The following MACROD2 variants were observed in gnomAD, a reference collection of about 807,000 sequenced individuals.
MACROD2 encodes mono-ADP ribosylhydrolase 2, also known as ADP-ribose glycohydrolase MACROD2.
A neutral mutation model predicts 70.4 loss-of-function variants in MACROD2; 36 were observed. The observed-to-expected ratio is 0.51, with a 90% CI of 0.39 to 0.68. The LOEUF is 0.68. Ranked by LOEUF, MACROD2 falls within the 30% of genes least tolerant of loss-of-function variation. MACROD2 has a pLI of 0.00. For synonymous variants in MACROD2, 172 were observed against 178.8 expected, an observed-to-expected ratio of 0.96 and a Z score of 0.30; for missense variants, 496 against 538.4, an observed-to-expected ratio of 0.92 and a Z score of 0.78.
At chr20:14,365,997 C>G (rs888267605) in intron 3 of MACROD2, among the ~76,000 whole-genome samples, 7 of 152,096 alleles carry the variant, frequency 4.6e-5, no homozygotes, top group African/African-American at 1.7e-4. Context: ...TAAAATTTAT[C>G]ATGACTTGTT....
At chr20:15,226,091 C>A (rs559220091) in intron 5 of MACROD2, among the ~76,000 whole-genome samples, 1 of 152,002 alleles carries the variant, frequency 6.6e-6, no homozygotes, top group African/African-American at 2.4e-5. Flanking sequence ...TCCTGATAGA[C>A]GTGTACAGAA....
chr20:14,939,920 A>G (rs996751757), intron 5 of MACROD2, among the ~76,000 whole-genome samples: 1 of 151,902 alleles, frequency 6.6e-6, no homozygotes, highest in African/African-American at 2.4e-5. Context: ...GCTGGTATAT[A>G]TAAATGCTGA....
chr20:15,476,815 T>A (rs549437964), intron 7 of MACROD2, among the ~76,000 whole-genome samples: 1 of 152,304 alleles, frequency 6.6e-6, no homozygotes, highest in South Asian at 2.1e-4. Context: ...GGGTCATATG[T>A]CTCTACTTGG....
chr20:14,771,644 T>TACAC (rs745602537), intron 5 of MACROD2, among the ~76,000 whole-genome samples: 360 of 141,726 alleles, frequency 2.5e-3, no homozygotes, highest in African/African-American at 6.7e-3. Flanking sequence ...TATCCAAAAA[T>TACAC]ACACACACAC....
chr20:15,411,004 A>G (rs146152406), intron 6 of MACROD2, among the ~76,000 whole-genome samples: 4 of 152,254 alleles, frequency 2.6e-5, no homozygotes, highest in African/African-American at 7.2e-5. Flanking sequence ...CGTTTCACCA[A>G]TTGAGGCATA....
chr20:14,415,962 ATT>A (rs11481895), intron 3 of MACROD2, among the ~76,000 whole-genome samples: 1 of 140,194 alleles, frequency 7.1e-6, no homozygotes, highest in Non-Finnish European at 1.6e-5. Context: ...GTTGTCCTCT[ATT>A]TTTTTTTTTT....
At chr20:14,822,145 C>A (rs967084551) in intron 5 of MACROD2, among the ~76,000 whole-genome samples, 2 of 152,026 alleles carry the variant, frequency 1.3e-5, no homozygotes, top group Admixed American at 1.3e-4. Flanking sequence ...TTGTACAAAA[C>A]AAGACCCTTA....
intron 12 of MACROD2, among the ~76,000 whole-genome samples, chr20:15,953,271 T>C (rs1462234155): frequency 6.6e-6 from 1 of 152,016 alleles, no homozygotes; most frequent in Non-Finnish European, 1.5e-5. Context: ...TATAACTAGA[T>C]CGAAGAAATA....
chr20:14,981,778 G>A (rs966724716), intron 5 of MACROD2, among the ~76,000 whole-genome samples: 1 of 152,032 alleles, frequency 6.6e-6, no homozygotes, highest in Admixed American at 6.6e-5. Context: ...TCTTTCTTTT[G>A]TAAATTGCCC....
At chr20:15,881,580 G>A (rs2064754771) in intron 9 of MACROD2, among the ~76,000 whole-genome samples, 3 of 152,126 alleles carry the variant, frequency 2.0e-5, no homozygotes. Flanking sequence ...ATCTATTAGA[G>A]CAATTGTAGA....
intron 6 of MACROD2, among the ~76,000 whole-genome samples, chr20:15,282,897 G>T (rs1414561232): frequency 6.6e-6 from 1 of 152,148 alleles, no homozygotes; most frequent in Non-Finnish European, 1.5e-5. Flanking sequence ...CTAAAACTGG[G>T]TAATTTATAA....
At chr20:14,496,507 T>C (rs562604987) in intron 4 of MACROD2, among the ~76,000 whole-genome samples, 23 of 152,312 alleles carry the variant, frequency 1.5e-4, no homozygotes, top group African/African-American at 5.3e-4. Context: ...TGGTCACATA[T>C]CATCCTCTCA....
intron 5 of MACROD2, among the ~76,000 whole-genome samples, chr20:15,092,900 G>A (rs999767498): frequency 7.9e-5 from 12 of 152,142 alleles, no homozygotes; most frequent in African/African-American, 2.9e-4. Flanking sequence ...GCTAAGTGAA[G>A]CAGGAATGTT....
At chr20:14,260,832 G>T (rs1349273984) in intron 3 of MACROD2, among the ~76,000 whole-genome samples, 1 of 152,214 alleles carries the variant, frequency 6.6e-6, no homozygotes, top group African/African-American at 2.4e-5. Flanking sequence ...TGGGTATGCA[G>T]TAAGGAATAC....
chr20:14,743,901 A>G (rs1005843324), intron 5 of MACROD2, among the ~76,000 whole-genome samples: 8 of 152,092 alleles, frequency 5.3e-5, no homozygotes, highest in African/African-American at 1.9e-4. Flanking sequence ...GTCAGAGGAG[A>G]GGGTGATAAG....
At position 14,845,875 on chromosome 20, in the gene MACROD2, T is replaced by C. The variant is rs1048793552; in HGVS notation, c.418+160916T>C. ...AAAATGTTCCTTCCCCCAAACGGCA[T>C]TTTTTAGGAATAATAATAACAGAAA... On this transcript the variant is annotated intron_variant, in intron 5 of 17. Transcript: ENST00000684519. 2.5e-4 allele frequency among the ~76,000 whole-genome samples: 38 copies of C among 152,036 alleles called. 1 individual carries two copies. Among genetic ancestry groups the C allele is most frequent in the African/African-American group, 7.5e-4 (31 of 41,416 alleles).
intron 8 of MACROD2, among the ~76,000 whole-genome samples, chr20:15,553,554 G>A (rs2048126243): frequency 6.6e-6 from 1 of 152,128 alleles, no homozygotes; most frequent in Non-Finnish European, 1.5e-5. Context: ...AAGTAGCTGG[G>A]ACTACAGGCA....
chr20:14,809,889 A>G (rs1448759529), intron 5 of MACROD2, among the ~76,000 whole-genome samples: 1 of 152,140 alleles, frequency 6.6e-6, no homozygotes, highest in Non-Finnish European at 1.5e-5. Context: ...TAAACCAGGA[A>G]GAATTTGAAT....
chr20:15,563,459 A>G (rs2048271447), intron 8 of MACROD2, among the ~76,000 whole-genome samples: 1 of 152,204 alleles, frequency 6.6e-6, no homozygotes, highest in Admixed American at 6.5e-5. Context: ...TCTACTCTTC[A>G]TGCTTGCATT....
Sources: allele counts gnomAD v4.1 joint callset (sites outside exome capture counted in the v4.1 genomes callset), GRCh38; gene constraint gnomAD v4.1.1; transcripts MANE v1.5; gene names NCBI Gene and HGNC (gene_info 2026-07-23, HGNC 2026-07-21).